BAZ2B: variants seen among roughly 807,000 people sequenced by gnomAD.
BAZ2B encodes the protein bromodomain adjacent to zinc finger domain 2B, also known as bromodomain adjacent to zinc finger domain protein 2B.
In BAZ2B, 91 loss-of-function variants were observed where a neutral mutation model predicts 246.0. That is an observed-to-expected ratio of 0.37 (90% CI 0.31 to 0.44). The LOEUF (loss-of-function observed/expected upper bound fraction) is 0.44. Among genes scored for constraint, BAZ2B ranks in the 20% least tolerant of loss-of-function variants. The pLI, the probability that BAZ2B is intolerant of heterozygous loss-of-function variation, is 1.00. For synonymous variants in BAZ2B, 855 were observed against 860.0 expected, an observed-to-expected ratio of 0.99 and a Z score of 0.10; for missense variants, 2,332 against 2,533.7, an observed-to-expected ratio of 0.92 and a Z score of 1.71.
intron 1 of BAZ2B, among the ~76,000 whole-genome samples, chr2:159,570,647 CCTTT>C (rs34935364): frequency 0.41 from 61,782 of 151,544 alleles, 12,937 homozygotes; most frequent in African/African-American, 0.5. Flanking sequence ...CATTTTTCAC[CCTTT>C]CTCTGTCTCT....
At position 159,446,902 on chromosome 2, in the gene BAZ2B, A is replaced by T. The variant is rs2074331030; in HGVS notation, c.576T>A (p.Thr192=). The change falls in exon 6 of 37, where the codon ACT becomes ACA. Residue 192 remains threonine (T), a synonymous_variant. Transcript: ENST00000392783. ...TAGTTTGTCCCATGGAACTTGAAGC[A>T]GTAGTGGATAGTACAGATGTGTTGA... ...IGINTSVLST[T]ASSSMGQTKS... The T allele has an allele frequency of 1.2e-6, 2 of 1,613,610 alleles. No homozygotes were observed. Among genetic ancestry groups the T allele is most frequent in the African/African-American group, 1.3e-5 (1 of 74,908 alleles).
intron 1 of BAZ2B, among the ~76,000 whole-genome samples, chr2:159,578,870 A>G (rs1266571115): frequency 2.6e-5 from 4 of 152,192 alleles, no homozygotes; most frequent in African/African-American, 9.7e-5. Flanking sequence ...TGTTCTTTGA[A>G]ACCAATGAGA....
chr2:159,332,303 A>G (rs541175231), intron 34 of BAZ2B, among the ~76,000 whole-genome samples: 61 of 147,280 alleles, frequency 4.1e-4, no homozygotes, highest in African/African-American at 1.4e-3. Flanking sequence ...TGCAGGCAAC[A>G]TAGCAAGACC....
the BAZ2B span, chr2:159,689,269 A>G: frequency 2.1e-6 from 1 of 471,950 alleles, no homozygotes; most frequent in African/African-American, 2.2e-5. Flanking sequence ...CAACTTTAAC[A>G]CCTGTCTCAT....
chr2:159,462,317 T>C, intron 3 of BAZ2B: 1 of 841,724 alleles, frequency 1.2e-6, no homozygotes, highest in Non-Finnish European at 1.9e-6. Flanking sequence ...CTCTTGTTTA[T>C]AAATCACTTA....
At chr2:159,346,568 C>T (rs934921774) in intron 31 of BAZ2B, among the ~76,000 whole-genome samples, 5 of 151,848 alleles carry the variant, frequency 3.3e-5, no homozygotes, top group Admixed American at 1.3e-4. Context: ...AGTGGGGCAT[C>T]ACGGCATGTA....
At chr2:159,342,822 T>A (rs1297568133) in intron 31 of BAZ2B, among the ~76,000 whole-genome samples, 1 of 152,128 alleles carries the variant, frequency 6.6e-6, no homozygotes, top group East Asian at 1.9e-4. Context: ...AGAATCAATA[T>A]TGTTAAAATG....
chr2:159,592,202 A>G (rs528891716), intron 1 of BAZ2B, among the ~76,000 whole-genome samples: 2 of 152,394 alleles, frequency 1.3e-5, no homozygotes, highest in South Asian at 2.1e-4. Context: ...GATATACTGC[A>G]TATCAATAAA....
intron 2 of BAZ2B, among the ~76,000 whole-genome samples, chr2:159,541,243 TAAAC>T (rs1351744978): frequency 2.0e-5 from 3 of 147,586 alleles, no homozygotes; most frequent in Admixed American, 1.4e-4. Flanking sequence ...TGCTCTAGGG[TAAAC>T]AAACAAAAGC....
chr2:159,558,947 T>G (rs1340429968), intron 1 of BAZ2B, among the ~76,000 whole-genome samples: 1 of 152,016 alleles, frequency 6.6e-6, no homozygotes, highest in Non-Finnish European at 1.5e-5. Context: ...GATCAGAAGG[T>G]AGCTACATAG....
intron 1 of BAZ2B, among the ~76,000 whole-genome samples, chr2:159,586,526 A>G (rs1448108109): frequency 6.6e-6 from 1 of 152,150 alleles, no homozygotes; most frequent in Non-Finnish European, 1.5e-5. Flanking sequence ...TGAAGAAAAA[A>G]AAATTTAAGG....
At chr2:159,495,353 C>A (rs1205982568) in intron 2 of BAZ2B, among the ~76,000 whole-genome samples, 1 of 149,002 alleles carries the variant, frequency 6.7e-6, no homozygotes, top group Admixed American at 6.7e-5. Context: ...GGCGTAGTGG[C>A]GGGCGCCTGT....
intron 31 of BAZ2B, 63 bp downstream of exon 31, chr2:159,347,423 A>C (rs965163): frequency 0.53 from 785,761 of 1,483,922 alleles, 216,147 homozygotes; most frequent in East Asian, 0.74. Context: ...ATATTAGGCA[A>C]GTAATAAACA....
chr2:159,609,375 T>C (rs1694217322), intron 1 of BAZ2B, among the ~76,000 whole-genome samples: 1 of 152,232 alleles, frequency 6.6e-6, no homozygotes, highest in South Asian at 2.1e-4. Flanking sequence ...TTCCCTTCTA[T>C]CTTGCTTTAC....
At chr2:159,466,733 C>T (rs566388765) in intron 3 of BAZ2B, among the ~76,000 whole-genome samples, 2 of 151,418 alleles carry the variant, frequency 1.3e-5, no homozygotes, top group Non-Finnish European at 2.9e-5. Context: ...AACCGAAGGG[C>T]TGATGGTGTT....
intron 27 of BAZ2B, among the ~76,000 whole-genome samples, chr2:159,369,554 T>C (rs1349327577): frequency 1.3e-5 from 1 of 79,626 alleles, no homozygotes; most frequent in Non-Finnish European, 4.3e-5. Flanking sequence ...ATTTCAGTAG[T>C]GTTGCAAAGA....
At chr2:159,470,285 G>C (rs1288254397) in intron 3 of BAZ2B, among the ~76,000 whole-genome samples, 4 of 152,202 alleles carry the variant, frequency 2.6e-5, no homozygotes, top group Non-Finnish European at 4.4e-5. Context: ...GAATAGAAGG[G>C]AACTGTCTCA....
At chr2:159,333,579 CCA>C (rs1342637130) in intron 33 of BAZ2B, among the ~76,000 whole-genome samples, 1 of 151,858 alleles carries the variant, frequency 6.6e-6, no homozygotes, top group Non-Finnish European at 1.5e-5. Context: ...AGTTCATACT[CCA>C]GTCACAAAAA....
chr2:159,552,771 CG>C (rs1263909913), intron 2 of BAZ2B, among the ~76,000 whole-genome samples: 1 of 152,048 alleles, frequency 6.6e-6, no homozygotes, highest in Non-Finnish European at 1.5e-5. Context: ...TGCTGAGTAT[CG>C]TAAGATGTGT....
Sources: gnomAD v4.1 joint callset for allele counts (sites outside exome capture counted in the v4.1 genomes callset) on GRCh38, gnomAD v4.1.1 for gene constraint, MANE v1.5 for transcripts, NCBI Gene and HGNC (gene_info 2026-07-23, HGNC 2026-07-21) for gene names.